Variants in ST8SIA6 observed in about 807,000 individuals in gnomAD.
ST8SIA6 encodes the protein ST8 alpha-N-acetyl-neuraminide alpha-2,8-sialyltransferase 6, also known as alpha-2,8-sialyltransferase 8F.
ST8SIA6 carries 39 observed loss-of-function variants against 33.6 expected under a neutral mutation model. The observed-to-expected ratio is 1.16, with a 90% CI of 0.90 to 1.52. ST8SIA6 has a LOEUF of 1.52. Ranked by LOEUF, ST8SIA6 falls within the 40% of genes most tolerant of loss-of-function variation. The probability of loss-of-function intolerance (pLI) is 0.00; values close to 1 mark genes in which losing one functional copy is unlikely to be tolerated. For synonymous variants in ST8SIA6, 172 were observed against 167.2 expected, an observed-to-expected ratio of 1.03 and a Z score of -0.22; for missense variants, 441 against 443.8, an observed-to-expected ratio of 0.99 and a Z score of 0.06.
intron 2 of ST8SIA6, among the ~76,000 whole-genome samples, chr10:17,419,548 C>CA (rs111726074): frequency 4.9e-4 from 70 of 143,162 alleles, no homozygotes; most frequent in African/African-American, 1.2e-3. Context: ...CAAACAAAAA[C>CA]AAAAAAACAA....
At chr10:17,434,229 C>T (rs952395388) in intron 2 of ST8SIA6, among the ~76,000 whole-genome samples, 6 of 152,174 alleles carry the variant, frequency 3.9e-5, no homozygotes, top group African/African-American at 7.2e-5. Context: ...TCTGAAACTC[C>T]GGCTGACCAG....
intron 2 of ST8SIA6, among the ~76,000 whole-genome samples, chr10:17,419,916 A>G (rs77214023): frequency 0.013 from 2,055 of 152,350 alleles, 26 homozygotes; most frequent in Non-Finnish European, 0.022. Context: ...CAGTCATGCT[A>G]ATTTGAAAGA....
At chr10:17,408,944 T>C (rs1327512074) in intron 2 of ST8SIA6, among the ~76,000 whole-genome samples, 7 of 150,632 alleles carry the variant, frequency 4.6e-5, no homozygotes, top group African/African-American at 1.2e-4. Context: ...TTCTTTCTTT[T>C]TTTTTTTTTT....
chr10:17,435,074 C>A (rs959582408), intron 2 of ST8SIA6, among the ~76,000 whole-genome samples: 3 of 152,212 alleles, frequency 2.0e-5, no homozygotes, highest in African/African-American at 4.8e-5. Context: ...GGAAAGCCCC[C>A]TGAAGCTGAC....
intron 2 of ST8SIA6, among the ~76,000 whole-genome samples, chr10:17,402,282 G>A: frequency 6.6e-6 from 1 of 152,172 alleles, no homozygotes; most frequent in East Asian, 1.9e-4. Flanking sequence ...AGAAACAACA[G>A]GTGCTGGAGA....
At chr10:17,379,137 CAA>C (rs1335757401) in intron 3 of ST8SIA6, among the ~76,000 whole-genome samples, 4 of 105,774 alleles carry the variant, frequency 3.8e-5, no homozygotes, top group African/African-American at 2.2e-4. Flanking sequence ...AAAAAAAAAA[CAA>C]AAACAAAAAA....
intron 3 of ST8SIA6, among the ~76,000 whole-genome samples, chr10:17,379,588 C>G (rs180673693): frequency 6.6e-6 from 1 of 152,260 alleles, no homozygotes; most frequent in East Asian, 1.9e-4. Context: ...ATCAGAAACT[C>G]AAAAGAATGC....
At chr10:17,449,481 G>A (rs1366116844) in intron 2 of ST8SIA6, among the ~76,000 whole-genome samples, 1 of 152,198 alleles carries the variant, frequency 6.6e-6, no homozygotes, top group East Asian at 1.9e-4. Context: ...TTGCAGGGAG[G>A]AAGAAGAGAT....
chr10:17,354,569 C>G (rs969875451), intron 4 of ST8SIA6, among the ~76,000 whole-genome samples: 1 of 152,188 alleles, frequency 6.6e-6, no homozygotes, highest in Non-Finnish European at 1.5e-5. Flanking sequence ...ACTTAAATCT[C>G]TCTTTAACTG....
intron 7 of ST8SIA6, 33 bp from the exon 8 acceptor site, chr10:17,321,379 A>C (rs2131572139): frequency 6.6e-7 from 1 of 1,516,714 alleles, no homozygotes; most frequent in Non-Finnish European, 8.9e-7. Flanking sequence ...TAGTAATCCC[A>C]AGAATAATAA....
At chr10:17,396,690 C>T (rs76798960) in intron 2 of ST8SIA6, among the ~76,000 whole-genome samples, 4,840 of 152,280 alleles carry the variant, frequency 0.032, 77 homozygotes, top group South Asian at 0.055. Context: ...CTTTCCCTAC[C>T]ACAGTCCTTT....
chr10:17,336,100 C>T (rs1185633213), intron 4 of ST8SIA6, among the ~76,000 whole-genome samples: 1 of 151,870 alleles, frequency 6.6e-6, no homozygotes, highest in Non-Finnish European at 1.5e-5. Flanking sequence ...GGACTACAGT[C>T]GTGCACCGAC....
intron 5 of ST8SIA6, among the ~76,000 whole-genome samples, chr10:17,329,164 T>C (rs77008792): frequency 0.026 from 3,931 of 152,294 alleles, 69 homozygotes; most frequent in African/African-American, 0.047. Context: ...GCCTTTGAAA[T>C]GTAAAAGTCA....
At chr10:17,333,953 C>T (rs768672195) in intron 4 of ST8SIA6, among the ~76,000 whole-genome samples, 75 of 149,208 alleles carry the variant, frequency 5.0e-4, no homozygotes, top group Non-Finnish European at 8.2e-4. Flanking sequence ...AACTCCTGGC[C>T]TCAAGTGATC....
intron 3 of ST8SIA6, among the ~76,000 whole-genome samples, chr10:17,386,174 G>GTC (rs1374936065): frequency 2.1e-5 from 2 of 95,854 alleles, no homozygotes; most frequent in Non-Finnish European, 3.9e-5. Context: ...GAGTGAGACT[G>GTC]TCACACACAC....
intron 2 of ST8SIA6, among the ~76,000 whole-genome samples, chr10:17,412,138 G>T (rs1851472801): frequency 6.6e-6 from 1 of 151,998 alleles, no homozygotes; most frequent in African/African-American, 2.4e-5. Flanking sequence ...CACCTTTGGG[G>T]ATCCCTCTTG....
rs1415617744 is a variant in ST8SIA6, at chr10:17,321,098, A to C, written c.977T>G (p.Met326Arg). 2.5e-6 allele frequency: 4 copies of C among 1,614,032 alleles called. No homozygotes were observed. Among genetic ancestry groups the C allele is most frequent in the African/African-American group, 1.3e-5 (1 of 74,932 alleles). The change falls in exon 8 of 8, where the codon ATG becomes AGG. Residue 326 changes from methionine to arginine, a missense_variant. Physicochemically the swap from Met to Arg is moderately conservative, Grantham distance 91 (BLOSUM62 -1). Transcript: ENST00000377602. ...CAGTTCCACTGCAACACTTGTGATCATCAAGCCGGTGGACAAGCGGTATGC... is the reference window on the plus strand; with the variant it reads ...CAGTTCCACTGCAACACTTGTGATCCTCAAGCCGGTGGACAAGCGGTATGC... ...VTAYRLSTGL[M>R]ITSVAVELCK...
chr10:17,400,289 T>C (rs374534526), intron 2 of ST8SIA6, among the ~76,000 whole-genome samples: 1 of 152,146 alleles, frequency 6.6e-6, no homozygotes, highest in African/African-American at 2.4e-5. Flanking sequence ...TCCCAGCACT[T>C]TGGGAGGCCG....
chr10:17,382,254 A>T (rs1265258236), intron 3 of ST8SIA6, among the ~76,000 whole-genome samples: 5 of 150,754 alleles, frequency 3.3e-5, no homozygotes, highest in East Asian at 1.9e-4. Flanking sequence ...TTCAGTGATA[A>T]TTTTTTTTTT....
Sources: allele counts gnomAD v4.1 joint callset (sites outside exome capture counted in the v4.1 genomes callset), GRCh38; gene constraint gnomAD v4.1.1; transcripts MANE v1.5; gene names NCBI Gene and HGNC (gene_info 2026-07-23, HGNC 2026-07-21).